The following CRB1 variants were observed in gnomAD, a reference collection of about 807,000 sequenced individuals.
CRB1 encodes the protein protein crumbs homolog 1.
CRB1 carries 83 observed loss-of-function variants against 120.0 expected under a neutral mutation model. That is an observed-to-expected ratio of 0.69 (90% confidence interval 0.58 to 0.83). The LOEUF is 0.83. CRB1 is among the 40% of genes least tolerant of loss of function. CRB1 has a pLI of 0.00. For synonymous variants in CRB1, 625 were observed against 612.5 expected, an observed-to-expected ratio of 1.02 and a Z score of -0.30; for missense variants, 1,699 against 1,687.6, an observed-to-expected ratio of 1.01 and a Z score of -0.12.
At chr1:197,244,092 G>A in the CRB1 span, among the ~76,000 whole-genome samples, 1 of 152,212 alleles carries the variant, frequency 6.6e-6, no homozygotes, top group East Asian at 1.9e-4. Context: ...TGTGTCTCCT[G>A]AATACAGCAC....
intron 1 of CRB1, among the ~76,000 whole-genome samples, chr1:197,288,528 AAC>A (rs1655969452): frequency 6.6e-6 from 1 of 151,858 alleles, no homozygotes; most frequent in Admixed American, 6.6e-5. Flanking sequence ...AATCAATCAA[AAC>A]AGATCATAAA....
intron 5 of CRB1, among the ~76,000 whole-genome samples, chr1:197,386,394 A>G (rs972406761): frequency 1.3e-5 from 2 of 152,116 alleles, no homozygotes; most frequent in African/African-American, 4.8e-5. Context: ...GAGATTTTTC[A>G]AACTTGTGAG....
chr1:197,457,630 A>T (rs1666344344), intron 11 of CRB1, among the ~76,000 whole-genome samples: 1 of 152,176 alleles, frequency 6.6e-6, no homozygotes, highest in Non-Finnish European at 1.5e-5. Context: ...AACGAATGAA[A>T]GAATTGTATG....
At chr1:197,354,629 G>C (rs1342266152) in intron 4 of CRB1, among the ~76,000 whole-genome samples, 2 of 152,040 alleles carry the variant, frequency 1.3e-5, no homozygotes, top group Non-Finnish European at 2.9e-5. Flanking sequence ...GTTGGTCTCA[G>C]GAGTGAAGCT....
the CRB1 span, among the ~76,000 whole-genome samples, chr1:197,259,761 ATTATAC>A: frequency 6.6e-6 from 1 of 152,170 alleles, no homozygotes; most frequent in Non-Finnish European, 1.5e-5. Flanking sequence ...TGCAATCCCC[ATTATAC>A]TTGGAATAGT....
At chr1:197,221,983 A>G in the CRB1 span, among the ~76,000 whole-genome samples, 1 of 152,248 alleles carries the variant, frequency 6.6e-6, no homozygotes, top group Non-Finnish European at 1.5e-5. Flanking sequence ...AGGAATATCT[A>G]TAAAATATTT....
intron 2 of CRB1, among the ~76,000 whole-genome samples, chr1:197,344,031 CTT>C (rs1206671753): frequency 1.3e-5 from 2 of 152,192 alleles, no homozygotes; most frequent in Non-Finnish European, 2.9e-5. Context: ...CTAAAAATGA[CTT>C]ATTTGTTTTC....
At chr1:197,231,796 C>CAG in the CRB1 span, among the ~76,000 whole-genome samples, 2 of 152,138 alleles carry the variant, frequency 1.3e-5, no homozygotes, top group African/African-American at 4.8e-5. Flanking sequence ...GTACCAATAT[C>CAG]AGAGTCTTAG....
intron 5 of CRB1, among the ~76,000 whole-genome samples, chr1:197,395,194 C>G (rs933627974): frequency 6.6e-6 from 1 of 152,132 alleles, no homozygotes; most frequent in East Asian, 1.9e-4. Context: ...AATTACTGTT[C>G]TATCTCCATC....
At chr1:197,344,560 C>T (rs2125328817) in intron 3 of CRB1, 84 bp downstream of exon 3, 1 of 1,335,688 alleles carries the variant, frequency 7.5e-7, no homozygotes, top group African/African-American at 1.4e-5. Context: ...TTAGAGCTCT[C>T]ACGTTCTCGG....
intron 5 of CRB1, among the ~76,000 whole-genome samples, chr1:197,395,919 C>T (rs1228610089): frequency 6.6e-6 from 1 of 152,100 alleles, no homozygotes; most frequent in Non-Finnish European, 1.5e-5. Flanking sequence ...ATGCTTTTCC[C>T]CAGAGATCAA....
chr1:197,402,742 CAA>C (rs573008367), intron 5 of CRB1, among the ~76,000 whole-genome samples: 3 of 152,062 alleles, frequency 2.0e-5, no homozygotes, highest in African/African-American at 7.2e-5. Context: ...GTACAATAAA[CAA>C]AAAATTACAT....
chr1:197,288,737 G>C (rs1655984362), intron 1 of CRB1, among the ~76,000 whole-genome samples: 1 of 151,736 alleles, frequency 6.6e-6, no homozygotes, highest in Non-Finnish European at 1.5e-5. Context: ...TGAAGGGAAG[G>C]TTAGTGATTT....
At chr1:197,398,242 T>C (rs952087698) in intron 5 of CRB1, among the ~76,000 whole-genome samples, 1 of 152,216 alleles carries the variant, frequency 6.6e-6, no homozygotes, top group East Asian at 1.9e-4. Flanking sequence ...CTTAGCGTGA[T>C]GAAAAGTTCC....
chr1:197,403,135 G>A (rs533414809), intron 5 of CRB1, among the ~76,000 whole-genome samples: 7 of 152,176 alleles, frequency 4.6e-5, no homozygotes, highest in South Asian at 4.1e-4. Flanking sequence ...GCTCTTTAGC[G>A]TTATGTTCCC....
intron 2 of CRB1, among the ~76,000 whole-genome samples, chr1:197,337,902 A>G (rs1304378782): frequency 6.6e-6 from 1 of 152,104 alleles, no homozygotes; most frequent in Non-Finnish European, 1.5e-5. Flanking sequence ...TATTTTAACA[A>G]TTTCATATAT....
chr1:197,434,818 A>T lies in CRB1; in HGVS notation c.2955A>T (p.Ala985=). Residue 985 remains alanine (A), a synonymous_variant, in exon 9 of 12, where the codon GCA becomes GCT. Transcript: ENST00000367400. ...NITFGFRTRD[A]NVIILHAEKE... is the part of the protein sequence containing the mutation. ...CATTTGGTTTCAGAACAAGGGATGC[A>T]AATGTAATAATATTGCATGCAGAAA... The T allele has an allele frequency of 6.2e-7, 1 of 1,613,826 alleles. No individual in the cohort carries two copies.
chr1:197,250,478 C>T, the CRB1 span, among the ~76,000 whole-genome samples: 1 of 151,878 alleles, frequency 6.6e-6, no homozygotes, highest in African/African-American at 2.4e-5. Context: ...GGACTCCCTT[C>T]CTGTCTGCTT....
chr1:197,382,514 C>A (rs567599554), intron 5 of CRB1, among the ~76,000 whole-genome samples: 156 of 152,234 alleles, frequency 1.0e-3, no homozygotes, highest in Non-Finnish European at 1.7e-3. Flanking sequence ...AAGGAAATCT[C>A]AGAAAATATA....
Sources: gnomAD v4.1 joint callset for allele counts (sites outside exome capture counted in the v4.1 genomes callset) on GRCh38, gnomAD v4.1.1 for gene constraint, MANE v1.5 for transcripts, NCBI Gene and HGNC (gene_info 2026-07-23, HGNC 2026-07-21) for gene names.